Variants in WWP2 observed in about 807,000 individuals in gnomAD.
WWP2 encodes the protein WW domain containing E3 ubiquitin protein ligase 2.
WWP2 carries 57 observed loss-of-function variants against 121.0 expected under a neutral mutation model. That is an observed-to-expected ratio of 0.47 (90% CI 0.38 to 0.59). The LOEUF (loss-of-function observed/expected upper bound fraction) is 0.59, where lower values mean the gene tolerates loss of function less well. WWP2 is among the 20% of genes least tolerant of loss of function. The pLI, the probability that WWP2 is intolerant of heterozygous loss-of-function variation, is 0.00. For missense variants in WWP2, 962 were observed against 1,158.9 expected, an observed-to-expected ratio of 0.83 and a Z score of 2.47; for synonymous variants, 449 against 441.3, an observed-to-expected ratio of 1.02 and a Z score of -0.22.
chr16:69,821,724 CT>C (rs557543615), intron 4 of WWP2, among the ~76,000 whole-genome samples: 3,694 of 130,710 alleles, frequency 0.028, 33 homozygotes, highest in African/African-American at 0.061. Flanking sequence ...TTCTTTCTTA[CT>C]TTTTTTTTTT....
chr16:69,810,232 T>C (rs981919637), intron 4 of WWP2, among the ~76,000 whole-genome samples: 3 of 152,200 alleles, frequency 2.0e-5, no homozygotes, highest in Admixed American at 2.0e-4. Context: ...AGAGGGATGC[T>C]GTAATGCAGG....
chr16:69,776,173 G>A (rs1227954110), intron 1 of WWP2: 1 of 152,114 alleles, frequency 6.6e-6, no homozygotes, highest in African/African-American at 2.4e-5. Context: ...ATATTTAACT[G>A]TTTTTCTCCC....
rs1491326781 is a variant in WWP2 at position 69,831,826 on chromosome 16, CCT to C, written c.341-8299_341-8298del. Among the ~76,000 whole-genome samples, 21 of 146,382 alleles carry C rather than the reference CCT, an allele frequency of 1.4e-4. 1 individual carries two copies. The highest frequency in any genetic ancestry group is 2.6e-4 in the African/African-American group (10 of 38,792). ...CATGCTGGCATGGAAAAAAACAAAA[CCT>C]TTTTTTTTTTTTTTTTTTTTGAGAC... On this transcript the variant is annotated intron_variant, in intron 4 of 23. Transcript: ENST00000359154.
chr16:69,849,762 C>T (rs117587176), intron 6 of WWP2, among the ~76,000 whole-genome samples: 5 of 151,952 alleles, frequency 3.3e-5, no homozygotes, highest in Middle Eastern at 3.4e-3. Flanking sequence ...GAGTTATGAT[C>T]GTGCCACTGC....
chr16:69,778,090 T>TATATATATATAC (rs1192880134), intron 1 of WWP2, among the ~76,000 whole-genome samples: 8 of 108,868 alleles, frequency 7.3e-5, no homozygotes, highest in African/African-American at 2.2e-4. Flanking sequence ...TATATATATA[T>TATATATATATAC]ACACACACAC....
At chr16:69,844,673 G>A (rs931179182) in intron 6 of WWP2, among the ~76,000 whole-genome samples, 1 of 152,268 alleles carries the variant, frequency 6.6e-6, no homozygotes, top group Non-Finnish European at 1.5e-5. Flanking sequence ...ACAGGAAATC[G>A]GATGCATTTT....
At chr16:69,867,946 G>A (rs72785029) in intron 6 of WWP2, among the ~76,000 whole-genome samples, 8,401 of 152,288 alleles carry the variant, frequency 0.055, 289 homozygotes, top group Middle Eastern at 0.11. Context: ...TTTGGCCCAC[G>A]ATGTGTGGTT....
At chr16:69,804,607 GTTAAGT>G (rs1463298928) in intron 4 of WWP2, among the ~76,000 whole-genome samples, 4 of 152,060 alleles carry the variant, frequency 2.6e-5, no homozygotes, top group Non-Finnish European at 5.9e-5. Flanking sequence ...ATATCTGGCA[GTTAAGT>G]TTCTCTTTTT....
chr16:69,837,091 T>C (rs1204578252), intron 4 of WWP2, among the ~76,000 whole-genome samples: 1 of 152,062 alleles, frequency 6.6e-6, no homozygotes, highest in African/African-American at 2.4e-5. Flanking sequence ...ATCCAGCTAA[T>C]TTTTGGCATT....
At chr16:69,813,686 C>G (rs2056438326) in intron 4 of WWP2, among the ~76,000 whole-genome samples, 1 of 152,066 alleles carries the variant, frequency 6.6e-6, no homozygotes, top group South Asian at 2.1e-4. Flanking sequence ...CAAGGCTGGT[C>G]TTAAACTTTT....
At chr16:69,816,586 T>G (rs2056495401) in intron 4 of WWP2, among the ~76,000 whole-genome samples, 1 of 151,598 alleles carries the variant, frequency 6.6e-6, no homozygotes, top group Admixed American at 6.6e-5. Flanking sequence ...ACATTATTAG[T>G]ATTTTTCTGA....
intron 1 of WWP2, 21 bp from the exon 2 acceptor site, chr16:69,786,975 T>G: frequency 6.3e-7 from 1 of 1,586,816 alleles, no homozygotes; most frequent in Non-Finnish European, 8.6e-7. Context: ...CTCTGAATTC[T>G]TTTTTCTGTT....
At chr16:69,869,730 C>T (rs558875476) in intron 6 of WWP2, among the ~76,000 whole-genome samples, 50 of 152,278 alleles carry the variant, frequency 3.3e-4, no homozygotes, top group Admixed American at 1.6e-3. Flanking sequence ...AAAAGGGCTT[C>T]TTTATTCCCA....
intron 8 of WWP2, among the ~76,000 whole-genome samples, chr16:69,894,236 C>T (rs999306362): frequency 6.7e-6 from 1 of 149,214 alleles, no homozygotes; most frequent in Non-Finnish European, 1.5e-5. Context: ...CCACTATACC[C>T]AGGCTATTTT....
rs1199553786 is a variant in WWP2 at position 69,871,788 on chromosome 16, T to C, written c.576-16T>C. 1 of 1,613,726 alleles carries C rather than the reference T, an allele frequency of 6.2e-7. No homozygotes were observed. The highest frequency in any genetic ancestry group is 8.5e-7 in the Non-Finnish European group (1 of 1,179,924). ...CAGTGACTTATGTCTGTCTGCTTTCTACTTTGAACCCCCAGGACGCACAGA... is the reference window on the plus strand; with the variant it reads ...CAGTGACTTATGTCTGTCTGCTTTCCACTTTGAACCCCCAGGACGCACAGA... On this transcript the variant is annotated splice_polypyrimidine_tract_variant and intron_variant, in intron 6 of 23. Coordinates refer to ENST00000359154, the MANE Select transcript of WWP2 (RefSeq NM_001270454.2).
chr16:69,783,678 G>T (rs1002229521), intron 1 of WWP2, among the ~76,000 whole-genome samples: 1 of 152,104 alleles, frequency 6.6e-6, no homozygotes. Flanking sequence ...AGGCTTGGTG[G>T]CTCATGCTTG....
chr16:69,929,618 C>A, intron 12 of WWP2, 89 bp downstream of exon 12: 2 of 1,158,854 alleles, frequency 1.7e-6, no homozygotes, highest in Non-Finnish European at 2.5e-6. Flanking sequence ...CTGCATCGTC[C>A]CAGAGGGCTG....
At chr16:69,893,736 G>T (rs540501681) in intron 8 of WWP2, among the ~76,000 whole-genome samples, 1 of 152,198 alleles carries the variant, frequency 6.6e-6, no homozygotes, top group South Asian at 2.1e-4. Flanking sequence ...TAGAGCCAGG[G>T]TTTCACCATG....
rs1227184845 is a variant in WWP2, at chr16:69,940,792, A to T, written c.*852A>T. 1 of 153,322 alleles carries T rather than the reference A, an allele frequency of 6.5e-6. No homozygotes were observed. The highest frequency in any genetic ancestry group is 1.5e-5 in the Non-Finnish European group (1 of 68,056). 9.5% of individuals were successfully genotyped at this position (153,322 alleles called of 1,614,324 possible). A position where few individuals can be genotyped will look rare whatever the true frequency, so the allele number is the denominator to read the frequency against. ...CAGGAACCCACCTGGCGGTTCCGTG[A>T]GCTCAGGCAGGCCTGACCCGGCGGC... On this transcript the variant is annotated 3_prime_UTR_variant, in exon 24 of 24. Coordinates refer to ENST00000359154, the MANE Select transcript of WWP2 (RefSeq NM_001270454.2).
Sources: allele counts gnomAD v4.1 joint callset (sites outside exome capture counted in the v4.1 genomes callset), GRCh38; gene constraint gnomAD v4.1.1; transcripts MANE v1.5; gene names NCBI Gene and HGNC (gene_info 2026-07-23, HGNC 2026-07-21).